MTCH1: variants seen among roughly 807,000 people sequenced by gnomAD.
MTCH1 encodes mitochondrial carrier 1, also known as mitochondrial carrier homolog 1.
MTCH1 carries 23 observed loss-of-function variants against 49.3 expected under a neutral mutation model. The observed-to-expected ratio is 0.47, with a 90% CI of 0.34 to 0.66. The LOEUF (loss-of-function observed/expected upper bound fraction) is 0.66, where lower values mean the gene tolerates loss of function less well. Among genes scored for constraint, MTCH1 ranks in the 30% least tolerant of loss-of-function variants. MTCH1 has a pLI of 0.01. For missense variants in MTCH1, 397 were observed against 532.1 expected (o/e 0.75, Z 2.50); for synonymous variants, 229 against 215.2 (o/e 1.06, Z -0.56).
rs968335393 is a variant in MTCH1 at position 36,968,276 on chromosome 6, C to T, written c.*627G>A. The T allele has an allele frequency of 9.3e-5, 17 of 183,072 alleles. No homozygotes were observed. Among genetic ancestry groups the T allele is most frequent in the African/African-American group, 3.1e-4 (13 of 42,056 alleles). 11.3% of individuals were successfully genotyped at this position (183,072 alleles called of 1,614,324 possible). The stretch of plus-strand genomic sequence containing the variant: ...ACTGCACAGGTAACCAGATCCTGTA[C>T]GCGAGGCATCACCATTAAACAGATG... On this transcript the variant is annotated 3_prime_UTR_variant, in exon 12 of 12. Transcript: ENST00000373627.
In MTCH1 at chr6:36,978,061, C is replaced by T; in HGVS notation, c.591+17G>A. On this transcript the variant is annotated intron_variant, in intron 4 of 11. Transcript: ENST00000373627. ...TCCCCTCCACGCACCTCTCCCTCTC[C>T]AACTCTCAACACCCACCTCCTTCAC... The T allele has an allele frequency of 6.2e-7, 1 of 1,602,314 alleles. No individual in the cohort carries two copies. The highest frequency in any genetic ancestry group is 8.6e-7 in the Non-Finnish European group (1 of 1,169,300).
chr6:36,978,735 G>T, intron 2 of MTCH1, 124 bp from the exon 3 acceptor site: 1 of 752,296 alleles, frequency 1.3e-6, no homozygotes, highest in Non-Finnish European at 2.2e-6. Context: ...GGCACAGAAG[G>T]TAACATCTGT....
Position 36,972,706 on chromosome 6 carries a change from G to A in MTCH1, c.852C>T (p.Asp284=). 1 of 1,552,262 alleles carries A rather than the reference G, an allele frequency of 6.4e-7. No homozygotes were observed. The highest frequency in any genetic ancestry group is 1.4e-5 in the African/African-American group (1 of 73,182). Residue 284 remains aspartate, a synonymous_variant, in exon 8 of 12, where the codon GAC becomes GAT. Coordinates refer to ENST00000373627, the MANE Select transcript of MTCH1 (RefSeq NM_001271641.2). The surrounding 1 kb of genome is among the most constrained non-coding windows in gnomAD (Gnocchi z 4.1). ...GCCCCCCTGGGGTGTCACTCACGCT[G>A]TCATCCACCAGGTAGGCATTGATGA... ...AHFINAYLVD[D]SVSDTPGGLG...
intron 2 of MTCH1, among the ~76,000 whole-genome samples, chr6:36,979,760 T>C (rs976390968): frequency 2.0e-5 from 3 of 151,886 alleles, no homozygotes; most frequent in Admixed American, 1.3e-4. Context: ...TGGATCCTAG[T>C]GAGGAGAGGG....
intron 9 of MTCH1, 49 bp downstream of exon 9, chr6:36,970,598 G>A (rs780815532): frequency 9.3e-6 from 15 of 1,612,424 alleles, no homozygotes; most frequent in East Asian, 4.5e-5. Context: ...CCTAGGCCCC[G>A]CTTGGGTCCG....
In MTCH1 at chr6:36,969,738, C is replaced by A. The variant is rs1277467700; in HGVS notation, c.1098+301G>T. 3.1e-6 allele frequency: 4 copies of A among 1,272,048 alleles called. No homozygotes were observed. The African/African-American group carries it at 4.6e-5, about 15-fold the overall frequency. 78.8% of individuals were successfully genotyped at this position (1,272,048 alleles called of 1,614,324 possible). A position where few individuals can be genotyped will look rare whatever the true frequency, so the allele number is the denominator to read the frequency against. ...AAGGAGAAGCAGTTCTTGGGCTTTACCACCTGCCACCTGGGCCAGAGTTCT... is the reference window on the plus strand; with the variant it reads ...AAGGAGAAGCAGTTCTTGGGCTTTAACACCTGCCACCTGGGCCAGAGTTCT... On this transcript the variant is annotated intron_variant, in intron 11 of 11. Coordinates refer to ENST00000373627, the MANE Select transcript of MTCH1 (RefSeq NM_001271641.2).
rs1763955523 is a variant in MTCH1 at position 36,978,063 on chromosome 6, A to ACT, written c.591+13_591+14dup. 1 of 1,603,600 alleles carries ACT rather than the reference A, an allele frequency of 6.2e-7. No homozygotes were observed. Among genetic ancestry groups the ACT allele is most frequent in the Admixed American group, 1.7e-5 (1 of 59,956 alleles). ...CCCTCCACGCACCTCTCCCTCTCCA[A>ACT]CTCTCAACACCCACCTCCTTCACAA... On this transcript the variant is annotated intron_variant, in intron 4 of 11. Transcript: ENST00000373627.
Position 36,977,246 on chromosome 6 carries a change from G to T in MTCH1, c.654C>A (p.Ile218=). The change falls in exon 6 of 12, where the codon ATC becomes ATA. Residue 218 remains isoleucine, a synonymous_variant. Transcript: ENST00000373627. This position sits in a 1 kb window ranked among gnomAD's most constrained non-coding sequence, Gnocchi z 5.4. ...CAAACTGGACCATGCAGCGCATTGA[G>T]ATGACTGAGGAAAAAAAAGAAAACA... is the stretch of plus-strand genomic sequence containing the variant. The part of the protein sequence containing the change: ...SRMLAHPLHV[I]SMRCMVQFVG... 1 of 1,614,062 alleles carries T rather than the reference G, an allele frequency of 6.2e-7. No individual in the cohort carries two copies.
chr6:36,973,716 T>C (rs1273786638), intron 7 of MTCH1, among the ~76,000 whole-genome samples: 1 of 152,244 alleles, frequency 6.6e-6, no homozygotes, highest in Non-Finnish European at 1.5e-5. Context: ...AGTAGGCATC[T>C]GTTGTGCGGG....
At chr6:36,970,242 C>T (rs1763631121) in intron 10 of MTCH1, 128 bp from the exon 11 acceptor site, 1 of 1,415,644 alleles carries the variant, frequency 7.1e-7, no homozygotes, top group South Asian at 1.3e-5. Flanking sequence ...CCACAGTTTA[C>T]CCCAGGGGGT....
intron 2 of MTCH1, among the ~76,000 whole-genome samples, 185 bp from the exon 3 acceptor site, chr6:36,978,796 T>C (rs1763983956): frequency 6.6e-6 from 1 of 152,006 alleles, no homozygotes; most frequent in South Asian, 2.1e-4. Context: ...TTCTAGCCCA[T>C]TTCTTTTAGT....
intron 6 of MTCH1, chr6:36,976,711 T>G: frequency 2.5e-6 from 1 of 406,272 alleles, no homozygotes; most frequent in Admixed American, 2.7e-5. Context: ...CATATGCCCC[T>G]GGCACCTACC....
At chr6:36,974,269 T>C (rs568115125) in intron 7 of MTCH1, among the ~76,000 whole-genome samples, 3 of 152,240 alleles carry the variant, frequency 2.0e-5, no homozygotes, top group Non-Finnish European at 2.9e-5. Context: ...GGTGCAATCA[T>C]AGCTCACTGC....
rs1583259718 is a variant in MTCH1 at position 36,977,766 on chromosome 6, G to A, written c.592-75C>T. 7.5e-7 allele frequency: 1 copy of A among 1,331,200 alleles called. No individual in the cohort carries two copies. The highest frequency in any genetic ancestry group is 1.0e-6 in the Non-Finnish European group (1 of 953,268). 82.5% of individuals were successfully genotyped at this position (1,331,200 alleles called of 1,614,324 possible). A position where few individuals can be genotyped will look rare whatever the true frequency, so the allele number is the denominator to read the frequency against. The stretch of plus-strand genomic sequence containing the variant: ...AACTGGCCCTCGAGGGGAGCTACAA[G>A]TGCTCAGGAGGGAGAAACCTGTCCC... On this transcript the variant is annotated intron_variant, in intron 4 of 11. Coordinates refer to ENST00000373627, the MANE Select transcript of MTCH1 (RefSeq NM_001271641.2). The surrounding 1 kb of genome is among the most constrained non-coding windows in gnomAD (Gnocchi z 5.4).
chr6:36,985,714 CA>C, intron 1 of MTCH1, 138 bp downstream of exon 1: 1 of 404,920 alleles, frequency 2.5e-6, no homozygotes, highest in Non-Finnish European at 4.7e-6. Flanking sequence ...CCATCCCACC[CA>C]CTCGGCCCCC....
At chr6:36,976,021 A>G (rs1022141324) in intron 6 of MTCH1, among the ~76,000 whole-genome samples, 1 of 152,180 alleles carries the variant, frequency 6.6e-6, no homozygotes, top group Non-Finnish European at 1.5e-5. Flanking sequence ...AACTTGGGCC[A>G]CTGCTGCAGA....
In MTCH1 at chr6:36,972,885, C is replaced by G; in HGVS notation, c.762-89G>C. On this transcript the variant is annotated intron_variant, in intron 7 of 11. Coordinates refer to ENST00000373627, the MANE Select transcript of MTCH1 (RefSeq NM_001271641.2). This position sits in a 1 kb window ranked among gnomAD's most constrained non-coding sequence, Gnocchi z 4.1. Reference sequence around the variant, plus strand: ...ACCCAGGAAGCAGGCAGGGATGTTCCGAGCTCAAAATCTTAGCATATCCAA... The same window carrying G: ...ACCCAGGAAGCAGGCAGGGATGTTCGGAGCTCAAAATCTTAGCATATCCAA... The G allele has an allele frequency of 7.4e-7, 1 of 1,353,166 alleles. No homozygotes were observed. Among genetic ancestry groups the G allele is most frequent in the Non-Finnish European group, 1.0e-6 (1 of 990,480 alleles). The allele number at this position is 1,353,166 out of a possible 1,614,324, so 83.8% of individuals were successfully genotyped here.
intron 9 of MTCH1, 63 bp downstream of exon 9, chr6:36,970,584 G>A (rs1763648974): frequency 6.2e-7 from 1 of 1,610,732 alleles, no homozygotes; most frequent in African/African-American, 1.3e-5. Context: ...ACCAGGGTTG[G>A]CCTCCTAGGC....
At chr6:36,978,284 T>C in intron 3 of MTCH1, 129 bp from the exon 4 acceptor site, 1 of 917,744 alleles carries the variant, frequency 1.1e-6, no homozygotes, top group Non-Finnish European at 1.7e-6. Flanking sequence ...CCACCTCAGG[T>C]AACCTCCAGG....
Sources: gnomAD v4.1 joint callset for allele counts (sites outside exome capture counted in the v4.1 genomes callset) on GRCh38, gnomAD v4.1.1 for gene constraint, Gnocchi (gnomAD v3.1) non-coding constraint, MANE v1.5 for transcripts, NCBI Gene and HGNC (gene_info 2026-07-23, HGNC 2026-07-21) for gene names.